ASCC3: variants seen among roughly 807,000 people sequenced by gnomAD.
ASCC3 encodes the protein ASC-1 complex subunit P200.
In ASCC3, 158 loss-of-function variants were observed where a neutral mutation model predicts 256.3. The observed-to-expected ratio is 0.62, with a 90% CI of 0.54 to 0.70. ASCC3 has a LOEUF of 0.70. Among genes scored for constraint, ASCC3 ranks in the 30% least tolerant of loss-of-function variants. The pLI is 0.00. For missense variants in ASCC3, 2,259 were observed against 2,626.0 expected (o/e 0.86, Z 3.05); for synonymous variants, 948 against 883.4 (o/e 1.07, Z -1.30).
chr6:100,724,814 G>A (rs1404366647), intron 11 of ASCC3, among the ~76,000 whole-genome samples: 2 of 152,006 alleles, frequency 1.3e-5, no homozygotes, highest in Non-Finnish European at 2.9e-5. Context: ...GAAGCTTGAA[G>A]AGGGTCACAT....
chr6:100,775,463 C>T (rs942310411), intron 8 of ASCC3, among the ~76,000 whole-genome samples: 3 of 151,820 alleles, frequency 2.0e-5, no homozygotes, highest in Admixed American at 6.6e-5. Context: ...AAATTGTGGC[C>T]GAGACGGGAC....
intron 36 of ASCC3, among the ~76,000 whole-genome samples, chr6:100,575,212 A>T (rs1289083680): frequency 6.6e-6 from 1 of 151,144 alleles, no homozygotes; most frequent in Non-Finnish European, 1.5e-5. Flanking sequence ...AAACTCTTTA[A>T]TTTTTTTTTA....
intron 3 of ASCC3, among the ~76,000 whole-genome samples, chr6:100,861,031 G>A (rs1187387891): frequency 6.6e-6 from 1 of 152,070 alleles, no homozygotes; most frequent in African/African-American, 2.4e-5. Context: ...TAAAGCAAAC[G>A]ACTACTGAAG....
chr6:100,638,804 G>T lies in ASCC3; in HGVS notation c.3919C>A (p.Pro1307Thr), dbSNP rs1438594846. 1.2e-6 allele frequency: 2 copies of T among 1,613,946 alleles called. No homozygotes were observed. The highest frequency in any genetic ancestry group is 3.3e-5 in the Admixed American group (2 of 60,000). Residue 1307 changes from proline (P) to threonine (T), a missense_variant, in exon 25 of 42, where the codon CCT becomes ACT. Physicochemically the swap from Pro to Thr is conservative, Grantham distance 38. Coordinates refer to ENST00000369162, the MANE Select transcript of ASCC3 (RefSeq NM_006828.4). ...CATCCCAAAGCTGTGATTGGTAAAG[G>T]CTGAAGATCCAGTAATTCTGAAAAG... ...PPHTELLDLQ[P>T]LPITALGCKA...
Position 100,565,612 on chromosome 6 carries a change from C to T in ASCC3, c.5550+24022G>A, listed in dbSNP as rs114683707. ...AGTGAAGGTTCATTTTTTTACAGAC[C>T]GTCACTCCCGTGTCATAGTCTAAAC... is the stretch of plus-strand genomic sequence containing the variant. On this transcript the variant is annotated intron_variant, in intron 36 of 41. Coordinates refer to ENST00000369162, the MANE Select transcript of ASCC3 (RefSeq NM_006828.4). 5.8e-3 allele frequency among the ~76,000 whole-genome samples: 885 copies of T among 152,016 alleles called. 10 individuals are homozygous for T. Among genetic ancestry groups the T allele is most frequent in the African/African-American group, 0.02 (846 of 41,448 alleles).
intron 10 of ASCC3, among the ~76,000 whole-genome samples, chr6:100,755,564 A>ATG (rs757861910): frequency 1.7e-4 from 26 of 152,218 alleles, no homozygotes; most frequent in Non-Finnish European, 3.2e-4. Flanking sequence ...TCACTCTTAA[A>ATG]GATCAGACTA....
intron 4 of ASCC3, among the ~76,000 whole-genome samples, chr6:100,847,324 T>C (rs1359740366): frequency 1.3e-5 from 2 of 152,116 alleles, no homozygotes; most frequent in Admixed American, 6.6e-5. Context: ...GAAAATTTAA[T>C]AGTGAGAACA....
chr6:100,526,640 T>C (rs994818298), intron 37 of ASCC3, among the ~76,000 whole-genome samples: 1 of 152,152 alleles, frequency 6.6e-6, no homozygotes, highest in Non-Finnish European at 1.5e-5. Flanking sequence ...TGGAGAATGG[T>C]GCTTTGTTTT....
chr6:100,870,837 T>C (rs558970689), intron 1 of ASCC3, among the ~76,000 whole-genome samples: 1 of 152,160 alleles, frequency 6.6e-6, no homozygotes, highest in South Asian at 2.1e-4. Flanking sequence ...AAGAAAAAAA[T>C]GAAAGCAAGA....
chr6:100,719,123 G>C (rs996089983), intron 11 of ASCC3, among the ~76,000 whole-genome samples: 1 of 152,078 alleles, frequency 6.6e-6, no homozygotes, highest in Non-Finnish European at 1.5e-5. Context: ...ATAAGACATA[G>C]ATCCACACAT....
At chr6:100,692,912 TATAAA>T (rs1562230588) in intron 13 of ASCC3, among the ~76,000 whole-genome samples, 1 of 152,062 alleles carries the variant, frequency 6.6e-6, no homozygotes, top group African/African-American at 2.4e-5. Flanking sequence ...ATACTTTTTT[TATAAA>T]ATAAAATTAT....
rs184563812 is a variant in ASCC3 at position 100,833,176 on chromosome 6, C to T, written c.801+14972G>A. On this transcript the variant is annotated intron_variant, in intron 4 of 41. Coordinates refer to ENST00000369162, the MANE Select transcript of ASCC3 (RefSeq NM_006828.4). ...AAAATACATGGAGGAATCTTAAATG[C>T]GTAATGCTAAGAAAAGAAACCAATC... Among the ~76,000 whole-genome samples, 227 of 151,838 alleles carry T rather than the reference C, an allele frequency of 1.5e-3. 1 individual carries two copies. The highest frequency in any genetic ancestry group is 5.4e-3 in the African/African-American group (223 of 41,388).
At chr6:100,760,442 A>G (rs1447532185) in intron 10 of ASCC3, among the ~76,000 whole-genome samples, 1 of 152,078 alleles carries the variant, frequency 6.6e-6, no homozygotes, top group Admixed American at 6.6e-5. Context: ...ATTGATTTGC[A>G]TGTGTTGAAC....
intron 36 of ASCC3, among the ~76,000 whole-genome samples, chr6:100,564,597 C>G (rs1770131119): frequency 6.6e-6 from 1 of 152,158 alleles, no homozygotes; most frequent in South Asian, 2.1e-4. Flanking sequence ...CTGTTACTAC[C>G]AAGCTACAAT....
At chr6:100,814,199 A>T (rs1465695010) in intron 4 of ASCC3, among the ~76,000 whole-genome samples, 1 of 152,134 alleles carries the variant, frequency 6.6e-6, no homozygotes, top group Admixed American at 6.5e-5. Flanking sequence ...TGAGGTAAGC[A>T]TGTGGTTTTT....
At chr6:100,872,863 C>A (rs545197234) in intron 1 of ASCC3, among the ~76,000 whole-genome samples, 1 of 152,252 alleles carries the variant, frequency 6.6e-6, no homozygotes, top group South Asian at 2.1e-4. Context: ...GGGAACACCC[C>A]GTGGGACAAA....
chr6:100,530,048 C>G (rs1028966356), intron 37 of ASCC3, among the ~76,000 whole-genome samples: 15 of 150,942 alleles, frequency 9.9e-5, no homozygotes, highest in African/African-American at 3.7e-4. Context: ...TCCAAATATT[C>G]TGGTATAATT....
At chr6:100,629,225 C>T (rs1433632354) in intron 26 of ASCC3, 44 bp from the exon 27 acceptor site, 1 of 1,582,240 alleles carries the variant, frequency 6.3e-7, no homozygotes, top group Non-Finnish European at 8.7e-7. Context: ...TTTCAGGTAA[C>T]AAATGACCTT....
At chr6:100,583,228 C>G (rs574034791) in intron 36 of ASCC3, among the ~76,000 whole-genome samples, 48 of 152,084 alleles carry the variant, frequency 3.2e-4, no homozygotes, top group African/African-American at 9.9e-4. Context: ...GACTCTTTTT[C>G]GTTGGTAAGC....
Sources: gnomAD v4.1 joint callset for allele counts (sites outside exome capture counted in the v4.1 genomes callset) on GRCh38, gnomAD v4.1.1 for gene constraint, MANE v1.5 for transcripts, NCBI Gene and HGNC (gene_info 2026-07-23, HGNC 2026-07-21) for gene names.